The following ZNF503 variants were observed in gnomAD, a reference collection of about 807,000 sequenced individuals.
The protein encoded by ZNF503 is zinc finger protein 503.
In ZNF503, 15 loss-of-function variants were observed where a neutral mutation model predicts 34.4. That is an observed-to-expected ratio of 0.44 (90% CI 0.29 to 0.67). The LOEUF (loss-of-function observed/expected upper bound fraction) is 0.67, where lower values mean the gene tolerates loss of function less well. Among genes scored for constraint, ZNF503 ranks in the 30% least tolerant of loss-of-function variants. The probability of loss-of-function intolerance (pLI) is 0.13; values close to 1 mark genes in which losing one functional copy is unlikely to be tolerated. For synonymous variants in ZNF503, 580 were observed against 456.8 expected (o/e 1.27, Z -3.44); for missense variants, 1,007 against 926.8 (o/e 1.09, Z -1.12).
the ZNF503 span, among the ~76,000 whole-genome samples, chr10:75,391,681 CAT>C: frequency 6.6e-6 from 1 of 152,198 alleles, no homozygotes; most frequent in Non-Finnish European, 1.5e-5. Flanking sequence ...TCTTTGGAAG[CAT>C]AATTTTATCC....
Position 75,399,195 on chromosome 10 carries a change from G to A in ZNF503, c.1495C>T (p.Pro499Ser), listed in dbSNP as rs149554773. 1.2e-3 allele frequency: 1,977 copies of A among 1,602,278 alleles called. 2 individuals carry two copies. Among genetic ancestry groups the A allele is most frequent in the Non-Finnish European group, 1.2e-3 (1,363 of 1,172,866 alleles). ...GATPPSLAGH[P>S]LYPYGFMLPN... ...AGCATAAAGCCGTAGGGGTAGAGGGGGTGGCCGGCCAGGGAGGGCGGTGTG... is the reference window on the plus strand; with the variant it reads ...AGCATAAAGCCGTAGGGGTAGAGGGAGTGGCCGGCCAGGGAGGGCGGTGTG... Residue 499 changes from proline to serine, a missense_variant, in exon 2 of 2, where the codon CCC (proline) becomes TCC (serine). By Grantham distance (74) the Pro-to-Ser change is moderately conservative. Coordinates refer to ENST00000372524, the MANE Select transcript of ZNF503 (RefSeq NM_032772.6).
chr10:75,310,526 C>G, the ZNF503 span, among the ~76,000 whole-genome samples: 1 of 152,338 alleles, frequency 6.6e-6, no homozygotes, highest in African/African-American at 2.4e-5. Context: ...ACATAGGGCT[C>G]CACTCCCAGT....
chr10:75,387,081 A>C, the ZNF503 span, among the ~76,000 whole-genome samples: 36 of 152,322 alleles, frequency 2.4e-4, no homozygotes, highest in South Asian at 7.2e-3. Context: ...CTCACTTTCC[A>C]TAGCTGGAGG....
the ZNF503 span, among the ~76,000 whole-genome samples, chr10:75,388,555 T>C: frequency 6.6e-6 from 1 of 152,226 alleles, no homozygotes. Context: ...TAATAGACCC[T>C]GGAGCCTCAT....
intron 1 of ZNF503, 62 bp from the exon 2 acceptor site, chr10:75,400,436 A>G: frequency 2.0e-6 from 3 of 1,511,058 alleles, no homozygotes; most frequent in African/African-American, 2.8e-5. Context: ...ACCCTTTAGA[A>G]TCCTGGCTTC....
the ZNF503 span, among the ~76,000 whole-genome samples, chr10:75,291,073 T>C: frequency 6.6e-6 from 1 of 152,196 alleles, no homozygotes; most frequent in Non-Finnish European, 1.5e-5. Context: ...GTGCTAACCA[T>C]GTGCCAGCCT....
the ZNF503 span, among the ~76,000 whole-genome samples, chr10:75,370,778 C>CAAAAAAAAAA: frequency 1.9e-4 from 13 of 67,972 alleles, no homozygotes; most frequent in East Asian, 5.1e-4. Flanking sequence ...GGCTCCATCT[C>CAAAAAAAAAA]AAAAAAAAAA....
chr10:75,312,547 G>C, the ZNF503 span, among the ~76,000 whole-genome samples: 1 of 152,024 alleles, frequency 6.6e-6, no homozygotes, highest in African/African-American at 2.4e-5. Flanking sequence ...GAAAGAGAGT[G>C]GGCCTAAAAA....
chr10:75,344,491 C>T, the ZNF503 span, among the ~76,000 whole-genome samples: 2 of 152,304 alleles, frequency 1.3e-5, no homozygotes, highest in South Asian at 2.1e-4. Flanking sequence ...ACATTGGATG[C>T]CGCTGGTCCT....
At chr10:75,395,227 G>A (rs1843683065), downstream of ZNF503, among the ~76,000 whole-genome samples, 1 of 152,236 alleles carries the variant, frequency 6.6e-6, no homozygotes, top group African/African-American at 2.4e-5. This position sits in a 1 kb window ranked among gnomAD's most constrained non-coding sequence, Gnocchi z 4.4. Flanking sequence ...GGAAGGGACA[G>A]ACACGTGGGC....
At chr10:75,292,165 C>T in the ZNF503 span, among the ~76,000 whole-genome samples, 1 of 152,214 alleles carries the variant, frequency 6.6e-6, no homozygotes, top group Non-Finnish European at 1.5e-5. Flanking sequence ...AAAAGGCCAT[C>T]ACAGCCCTCC....
At chr10:75,358,063 A>G in the ZNF503 span, among the ~76,000 whole-genome samples, 2 of 152,032 alleles carry the variant, frequency 1.3e-5, no homozygotes, top group African/African-American at 2.4e-5. Context: ...GGGCCACTCT[A>G]TGGAGAGAAC....
chr10:75,287,537 A>G, the ZNF503 span, among the ~76,000 whole-genome samples: 318 of 151,886 alleles, frequency 2.1e-3, 1 homozygote, highest in Middle Eastern at 0.024. Context: ...TCAGTCTCCC[A>G]TTCCTGTTAC....
At chr10:75,303,517 A>G in the ZNF503 span, among the ~76,000 whole-genome samples, 1 of 152,240 alleles carries the variant, frequency 6.6e-6, no homozygotes, top group Non-Finnish European at 1.5e-5. Flanking sequence ...GGGCCTGTCC[A>G]GGCTGAACTG....
chr10:75,338,516 A>G, the ZNF503 span: 1 of 152,248 alleles, frequency 6.6e-6, no homozygotes, highest in Non-Finnish European at 1.5e-5. Flanking sequence ...GATGTTAGCA[A>G]TTATAAAATT....
chr10:75,323,796 T>A, the ZNF503 span, among the ~76,000 whole-genome samples: 1 of 151,908 alleles, frequency 6.6e-6, no homozygotes, highest in South Asian at 2.1e-4. Flanking sequence ...AGGTCAGGAG[T>A]TCGAGACCAG....
chr10:75,348,882 A>G, the ZNF503 span, among the ~76,000 whole-genome samples: 2 of 152,216 alleles, frequency 1.3e-5, no homozygotes, highest in South Asian at 2.1e-4. Context: ...TTGCAAATCT[A>G]TAAAATAAAT....
the ZNF503 span, among the ~76,000 whole-genome samples, chr10:75,368,365 A>G: frequency 2.6e-5 from 4 of 152,310 alleles, 1 homozygote; most frequent in South Asian, 8.3e-4. Context: ...TAGAAAGAGA[A>G]GGGTTCAAAA....
the ZNF503 span, among the ~76,000 whole-genome samples, chr10:75,345,359 C>T: frequency 3.9e-5 from 6 of 151,968 alleles, no homozygotes; most frequent in Non-Finnish European, 7.4e-5. Context: ...GTAGAAAGGA[C>T]CCCACGGTGG....
Sources: gnomAD v4.1 joint callset for allele counts (sites outside exome capture counted in the v4.1 genomes callset) on GRCh38, gnomAD v4.1.1 for gene constraint, Gnocchi (gnomAD v3.1) non-coding constraint, MANE v1.5 for transcripts, NCBI Gene and HGNC (gene_info 2026-07-23, HGNC 2026-07-21) for gene names.